IMMP2L: variants seen among roughly 807,000 people sequenced by gnomAD.
IMMP2L encodes mitochondrial inner membrane protease subunit 2.
IMMP2L carries 18 observed loss-of-function variants against 19.3 expected under a neutral mutation model. The ratio of observed to expected loss-of-function variants is 0.93; its 90% CI spans 0.64 to 1.38. The LOEUF (loss-of-function observed/expected upper bound fraction) is 1.38, where lower values mean the gene tolerates loss of function less well. Among genes scored for constraint, IMMP2L ranks in the 40% most tolerant of loss-of-function variants. IMMP2L has a pLI of 0.00. For missense variants in IMMP2L, 233 were observed against 218.2 expected, an observed-to-expected ratio of 1.07 and a Z score of -0.43; for synonymous variants, 76 against 73.0, an observed-to-expected ratio of 1.04 and a Z score of -0.21.
intron 3 of IMMP2L, among the ~76,000 whole-genome samples, chr7:111,116,542 G>T (rs1044075924): frequency 6.6e-6 from 1 of 151,782 alleles, no homozygotes; most frequent in Non-Finnish European, 1.5e-5. Context: ...CTTTATAATG[G>T]CAATCCCACA....
intron 3 of IMMP2L, among the ~76,000 whole-genome samples, chr7:111,155,831 T>C (rs1261769511): frequency 6.6e-6 from 1 of 152,170 alleles, no homozygotes. Context: ...AACTCATTTA[T>C]GTCCACCATT....
chr7:110,697,889 G>A (rs1433836269), intron 5 of IMMP2L, among the ~76,000 whole-genome samples: 1 of 152,188 alleles, frequency 6.6e-6, no homozygotes, highest in Non-Finnish European at 1.5e-5. Context: ...AATGGCTAAA[G>A]ATGGCATGTT....
intron 2 of IMMP2L, among the ~76,000 whole-genome samples, chr7:111,503,366 T>C (rs956684661): frequency 2.0e-4 from 31 of 152,164 alleles, no homozygotes; most frequent in African/African-American, 7.0e-4. Context: ...ACCAGATGGA[T>C]TCACAGCCGA....
intron 4 of IMMP2L, among the ~76,000 whole-genome samples, chr7:110,950,849 T>TATAC (rs1554470765): frequency 1.1e-4 from 13 of 123,190 alleles, no homozygotes; most frequent in Admixed American, 3.7e-4. Flanking sequence ...GGCATATATA[T>TATAC]ATATATATAT....
intron 3 of IMMP2L, among the ~76,000 whole-genome samples, chr7:111,400,300 T>C (rs549366046): frequency 6.6e-6 from 1 of 152,288 alleles, no homozygotes; most frequent in African/African-American, 2.4e-5. Flanking sequence ...TGACTAACGA[T>C]TGCAACAGTG....
intron 5 of IMMP2L, among the ~76,000 whole-genome samples, chr7:110,815,656 T>C (rs1283961497): frequency 1.3e-5 from 2 of 152,148 alleles, no homozygotes; most frequent in African/African-American, 4.8e-5. Context: ...CTGTTACTGG[T>C]CTATTCAGAG....
chr7:111,055,569 T>A (rs1195279896), intron 3 of IMMP2L, among the ~76,000 whole-genome samples: 1 of 152,216 alleles, frequency 6.6e-6, no homozygotes, highest in Non-Finnish European at 1.5e-5. Flanking sequence ...GGGTGCTGGT[T>A]TCTAATTTTC....
At chr7:111,240,714 C>G (rs752761387) in intron 3 of IMMP2L, among the ~76,000 whole-genome samples, 1 of 151,914 alleles carries the variant, frequency 6.6e-6, no homozygotes, top group African/African-American at 2.4e-5. Context: ...ACTTGTAGGT[C>G]TAGGCTATTG....
intron 3 of IMMP2L, among the ~76,000 whole-genome samples, chr7:111,477,536 CCTGTCTT>C (rs1841822303): frequency 6.6e-6 from 1 of 152,040 alleles, no homozygotes; most frequent in Non-Finnish European, 1.5e-5. Context: ...TCAGTTATCT[CCTGTCTT>C]CTATCAGTTG....
At chr7:111,325,807 C>T (rs548365926) in intron 3 of IMMP2L, among the ~76,000 whole-genome samples, 2 of 151,788 alleles carry the variant, frequency 1.3e-5, no homozygotes, top group Non-Finnish European at 3.0e-5. Flanking sequence ...TACATTCTAT[C>T]TTTTGGCATC....
At chr7:110,973,966 C>A (rs770049787) in intron 3 of IMMP2L, among the ~76,000 whole-genome samples, 2 of 152,010 alleles carry the variant, frequency 1.3e-5, no homozygotes, top group East Asian at 3.9e-4. Context: ...CATGTGTGGA[C>A]GAAATTTGCA....
Position 110,695,692 on chromosome 7 carries a change from C to T in IMMP2L, c.409-31971G>A, listed in dbSNP as rs188775047. Among the ~76,000 whole-genome samples, 9 of 152,250 alleles carry T rather than the reference C, an allele frequency of 5.9e-5. No individual in the cohort carries two copies. The East Asian group carries it at 1.5e-3, about 26-fold the overall frequency. Reference sequence around the variant, plus strand: ...GGATATGCTTCTAGAACAGCCCAAACCTCAGGGCAGCAGCATAATGTAGGG... The same window carrying T: ...GGATATGCTTCTAGAACAGCCCAAATCTCAGGGCAGCAGCATAATGTAGGG... On this transcript the variant is annotated intron_variant, in intron 5 of 5. Coordinates refer to ENST00000405709, the MANE Select transcript of IMMP2L (RefSeq NM_032549.4).
chr7:111,169,628 ACTCT>A (rs938839135), intron 3 of IMMP2L, among the ~76,000 whole-genome samples: 10 of 151,506 alleles, frequency 6.6e-5, no homozygotes, highest in African/African-American at 2.4e-4. Flanking sequence ...TTGCCCTGTG[ACTCT>A]CTCTCTGTGT....
intron 3 of IMMP2L, among the ~76,000 whole-genome samples, chr7:111,276,640 C>T (rs1433469069): frequency 9.4e-6 from 1 of 105,908 alleles, no homozygotes; most frequent in African/African-American, 3.7e-5. Context: ...CATGTGGAAC[C>T]GAAAAAAAAA....
At chr7:111,450,138 A>G (rs1352143598) in intron 3 of IMMP2L, among the ~76,000 whole-genome samples, 1 of 151,808 alleles carries the variant, frequency 6.6e-6, no homozygotes, top group Admixed American at 6.6e-5. Context: ...ATACTGCCCA[A>G]GGTAATTTAC....
At chr7:111,417,625 A>C (rs1308200872) in intron 3 of IMMP2L, among the ~76,000 whole-genome samples, 2 of 151,802 alleles carry the variant, frequency 1.3e-5, no homozygotes, top group Non-Finnish European at 2.9e-5. Context: ...CGAGAACTAA[A>C]GATTTGTGGC....
chr7:110,769,347 A>T (rs781707617), intron 5 of IMMP2L, among the ~76,000 whole-genome samples: 1 of 152,172 alleles, frequency 6.6e-6, no homozygotes, highest in Admixed American at 6.6e-5. Flanking sequence ...GAGAACACAC[A>T]TGCTGCTGCT....
chr7:110,825,125 A>C (rs906076280), intron 5 of IMMP2L, among the ~76,000 whole-genome samples: 1 of 152,178 alleles, frequency 6.6e-6, no homozygotes, highest in African/African-American at 2.4e-5. Context: ...AATCCAACTT[A>C]CAAGGGATGT....
intron 3 of IMMP2L, among the ~76,000 whole-genome samples, chr7:111,196,066 A>G (rs1431407614): frequency 6.6e-6 from 1 of 151,912 alleles, no homozygotes; most frequent in African/African-American, 2.4e-5. Context: ...TAGAGACAGT[A>G]TCTCTCTGTG....
Sources: allele counts gnomAD v4.1 joint callset (sites outside exome capture counted in the v4.1 genomes callset), GRCh38; gene constraint gnomAD v4.1.1; transcripts MANE v1.5; gene names NCBI Gene and HGNC (gene_info 2026-07-23, HGNC 2026-07-21).